Variants in SLIT2 observed in about 807,000 individuals in gnomAD.
The protein encoded by SLIT2 is slit guidance ligand 2.
Under a neutral mutation model 185.7 loss-of-function variants are expected in SLIT2, and 41 were observed. That is an observed-to-expected ratio of 0.22 (90% CI 0.17 to 0.29). The LOEUF (loss-of-function observed/expected upper bound fraction) is 0.29. Ranked by LOEUF, SLIT2 falls within the 10% of genes least tolerant of loss-of-function variation. SLIT2 has a pLI of 1.00. For missense variants in SLIT2, 1,571 were observed against 1,909.0 expected (o/e 0.82, Z 3.30); for synonymous variants, 693 against 680.2 (o/e 1.02, Z -0.29).
intron 4 of SLIT2, among the ~76,000 whole-genome samples, chr4:20,389,284 A>G (rs1262231678): frequency 2.0e-5 from 3 of 152,060 alleles, no homozygotes; most frequent in South Asian, 2.1e-4. Context: ...GAACTAGCAT[A>G]TCATTATAAA....
At chr4:20,414,238 T>A (rs1727483054) in intron 4 of SLIT2, among the ~76,000 whole-genome samples, 1 of 152,184 alleles carries the variant, frequency 6.6e-6, no homozygotes, top group Non-Finnish European at 1.5e-5. Flanking sequence ...CAACTTGATT[T>A]CATTTGTATA....
intron 4 of SLIT2, among the ~76,000 whole-genome samples, chr4:20,463,500 T>TGTGTGTGTGTGC (rs1323697561): frequency 3.2e-5 from 4 of 123,654 alleles, no homozygotes; most frequent in African/African-American, 1.2e-4. Context: ...TATGTGTGTG[T>TGTGTGTGTGTGC]GCGTATATCC....
At chr4:20,471,378 G>T (rs1258910166) in intron 5 of SLIT2, among the ~76,000 whole-genome samples, 1 of 151,998 alleles carries the variant, frequency 6.6e-6, no homozygotes, top group Non-Finnish European at 1.5e-5. Flanking sequence ...TCATCGTCAT[G>T]GCTCAATACA....
chr4:20,553,650 G>T (rs1216928844), intron 25 of SLIT2, among the ~76,000 whole-genome samples, 155 bp from the exon 26 acceptor site: 1 of 152,030 alleles, frequency 6.6e-6, no homozygotes, highest in Non-Finnish European at 1.5e-5. Flanking sequence ...TTGCTAAATT[G>T]TTATCCTCAA....
At chr4:20,377,831 A>G (rs1365122435) in intron 4 of SLIT2, among the ~76,000 whole-genome samples, 3 of 152,190 alleles carry the variant, frequency 2.0e-5, no homozygotes, top group Non-Finnish European at 4.4e-5. Context: ...TGGTATCTGT[A>G]ATGCTAAAAA....
At chr4:20,485,934 C>T (rs1717191834) in intron 6 of SLIT2, among the ~76,000 whole-genome samples, 1 of 152,080 alleles carries the variant, frequency 6.6e-6, no homozygotes, top group South Asian at 2.1e-4. Flanking sequence ...GCACAAGGTA[C>T]ATAAAGTAGA....
intron 29 of SLIT2, among the ~76,000 whole-genome samples, chr4:20,579,174 C>G (rs965431852): frequency 6.6e-6 from 1 of 151,870 alleles, no homozygotes; most frequent in Non-Finnish European, 1.5e-5. Flanking sequence ...GTGGTGCGTG[C>G]CTGTAATCCC....
Position 20,348,162 on chromosome 4 carries a change from G to C in SLIT2, c.395+79281G>C, listed in dbSNP as rs145527173. 1.4e-3 allele frequency among the ~76,000 whole-genome samples: 206 copies of C among 152,224 alleles called. 1 individual carries two copies. The highest frequency in any genetic ancestry group is 4.8e-3 in the African/African-American group (201 of 41,536). On this transcript the variant is annotated intron_variant, in intron 4 of 36. Coordinates refer to ENST00000504154, the MANE Select transcript of SLIT2 (RefSeq NM_004787.4). ...TTAATTCATAAGTTTTCAGAGTTTA[G>C]TGAGCAACCAAATCACCTGTTAAAA...
intron 26 of SLIT2, among the ~76,000 whole-genome samples, chr4:20,565,793 G>C (rs1405936272): frequency 6.6e-6 from 1 of 151,808 alleles, no homozygotes; most frequent in Non-Finnish European, 1.5e-5. Flanking sequence ...TTCTCCTAAT[G>C]GTTAAAAACA....
intron 3 of SLIT2, among the ~76,000 whole-genome samples, chr4:20,268,037 G>C (rs1262435879): frequency 1.3e-5 from 2 of 151,826 alleles, no homozygotes; most frequent in African/African-American, 4.8e-5. Flanking sequence ...AGATGGGATT[G>C]GGATATGACT....
In SLIT2 at chr4:20,620,465, G is replaced by C; in HGVS notation, c.*1456G>C. The C allele has an allele frequency of 2.2e-6, 1 of 453,168 alleles. No individual in the cohort carries two copies. 28.1% of individuals were successfully genotyped at this position (453,168 alleles called of 1,614,324 possible). The stretch of plus-strand genomic sequence containing the variant: ...ACTTCTTTTTTTACAAAGAAAATTA[G>C]ATGTACATGTATAATTCAGTGTGCT... On this transcript the variant is annotated 3_prime_UTR_variant, in exon 37 of 37. Coordinates refer to ENST00000504154, the MANE Select transcript of SLIT2 (RefSeq NM_004787.4).
chr4:20,474,057 T>C (rs1715846789), intron 5 of SLIT2, among the ~76,000 whole-genome samples: 1 of 152,010 alleles, frequency 6.6e-6, no homozygotes, highest in Admixed American at 6.6e-5. Flanking sequence ...GTAGGTTGGT[T>C]TCTCATTTAT....
intron 26 of SLIT2, among the ~76,000 whole-genome samples, chr4:20,566,743 T>G (rs1424802138): frequency 1.3e-5 from 2 of 152,050 alleles, no homozygotes; most frequent in African/African-American, 4.8e-5. Context: ...GGCACTGTTT[T>G]GTATCTCCTA....
At chr4:20,382,389 G>T (rs1461659746) in intron 4 of SLIT2, among the ~76,000 whole-genome samples, 1 of 152,110 alleles carries the variant, frequency 6.6e-6, no homozygotes, top group East Asian at 1.9e-4. Context: ...AAAAGAAGCA[G>T]TAGAGCCTTC....
chr4:20,366,930 T>C (rs1723166410), intron 4 of SLIT2, among the ~76,000 whole-genome samples: 1 of 151,962 alleles, frequency 6.6e-6, no homozygotes. Context: ...CCCAAATAGC[T>C]GGGACTACAG....
intron 4 of SLIT2, among the ~76,000 whole-genome samples, chr4:20,353,013 C>T (rs910503120): frequency 6.6e-6 from 1 of 152,118 alleles, no homozygotes; most frequent in African/African-American, 2.4e-5. Context: ...GTATAATCAT[C>T]TAGAGATGCA....
Position 20,491,847 on chromosome 4 carries a change from G to C in SLIT2, c.862G>C (p.Gly288Arg). The part of the protein sequence containing the change: ...TCSNNIVDCR[G>R]KGLTEIPTNL... ...TAGCAACAATATCGTAGACTGTCGT[G>C]GGAAAGGTCTCACTGAGATCCCCAC... Residue 288 changes from glycine (G) to arginine (R), a missense_variant, in exon 9 of 37, where the codon GGG becomes CGG. Around this residue, in one of 3 missense-constraint regions of SLIT2, gnomAD observed 1,202 missense variants for 1,416.4 expected, o/e 0.85. Transcript: ENST00000504154. 6.2e-7 allele frequency: 1 copy of C among 1,613,798 alleles called. No individual in the cohort carries two copies. Among genetic ancestry groups the C allele is most frequent in the Non-Finnish European group, 8.5e-7 (1 of 1,179,820 alleles).
intron 4 of SLIT2, among the ~76,000 whole-genome samples, chr4:20,271,754 G>A (rs1028798963): frequency 6.9e-4 from 105 of 151,678 alleles, no homozygotes; most frequent in African/African-American, 2.4e-3. Context: ...TTGATTTTTC[G>A]CATTGTTTGC....
chr4:20,563,165 G>A (rs1256781316), intron 26 of SLIT2, among the ~76,000 whole-genome samples: 3 of 151,616 alleles, frequency 2.0e-5, no homozygotes, highest in Admixed American at 6.6e-5. Context: ...GAATTATTAA[G>A]CTAACCACAC....
Sources: gnomAD v4.1 joint callset for allele counts (sites outside exome capture counted in the v4.1 genomes callset) on GRCh38, gnomAD v4.1.1 for gene constraint, gnomAD v4.1.1 regional missense constraint, MANE v1.5 for transcripts, NCBI Gene and HGNC (gene_info 2026-07-23, HGNC 2026-07-21) for gene names.